The following SLC2A13 variants were observed in gnomAD, a reference collection of about 807,000 sequenced individuals.
SLC2A13 encodes proton myo-inositol cotransporter.
A neutral mutation model predicts 64.4 loss-of-function variants in SLC2A13; 32 were observed. The ratio of observed to expected loss-of-function variants is 0.50; its 90% CI spans 0.37 to 0.67. The LOEUF is 0.67. Ranked by LOEUF, SLC2A13 falls within the 30% of genes least tolerant of loss-of-function variation. The pLI, the probability that SLC2A13 is intolerant of heterozygous loss-of-function variation, is 0.00. For missense variants in SLC2A13, 743 were observed against 829.2 expected, an observed-to-expected ratio of 0.90 and a Z score of 1.28; for synonymous variants, 338 against 327.1, an observed-to-expected ratio of 1.03 and a Z score of -0.36.
intron 4 of SLC2A13, among the ~76,000 whole-genome samples, chr12:39,896,467 CATATATGT>C (rs1381723402): frequency 8.1e-6 from 1 of 124,068 alleles, no homozygotes; most frequent in Non-Finnish European, 1.7e-5. Flanking sequence ...TATATGTATA[CATATATGT>C]ATATGTGTAT....
intron 1 of SLC2A13, among the ~76,000 whole-genome samples, chr12:40,089,697 G>A (rs1376856601): frequency 6.6e-6 from 1 of 152,162 alleles, no homozygotes; most frequent in East Asian, 1.9e-4. Context: ...AGCTCTAAGA[G>A]TGGATTAACG....
intron 4 of SLC2A13, among the ~76,000 whole-genome samples, chr12:39,891,209 C>T (rs1944600703): frequency 6.6e-6 from 1 of 150,490 alleles, no homozygotes; most frequent in Admixed American, 6.7e-5. Context: ...GTCTCTCCAT[C>T]ATTATTTCCA....
chr12:39,838,053 G>A (rs1943068034), intron 6 of SLC2A13, among the ~76,000 whole-genome samples: 1 of 150,270 alleles, frequency 6.7e-6, no homozygotes, highest in Non-Finnish European at 1.5e-5. Flanking sequence ...TATATTTATT[G>A]TGGCATTATT....
intron 1 of SLC2A13, among the ~76,000 whole-genome samples, chr12:40,100,129 C>T (rs1453204500): frequency 2.0e-5 from 3 of 152,096 alleles, no homozygotes; most frequent in Non-Finnish European, 4.4e-5. Flanking sequence ...AAGTATTACT[C>T]AACAGGCCAT....
At chr12:39,876,919 G>C (rs562591064) in intron 4 of SLC2A13, among the ~76,000 whole-genome samples, 1 of 152,216 alleles carries the variant, frequency 6.6e-6, no homozygotes, top group African/African-American at 2.4e-5. Context: ...AGAAAGTATG[G>C]AGTAGTTTAT....
Position 39,951,307 on chromosome 12 carries a change from C to T in SLC2A13, c.984G>A (p.Val328=). ...GCTGGAACATTTGTAGGCCACAACC[C>T]ACAATTAAAGCTCGGCGAGTTGGGG... ...SYPPTRRALI[V]GCGLQMFQQL... The change falls in exon 4 of 10, where the codon GTG becomes GTA. Residue 328 remains valine (V), a synonymous_variant. Transcript: ENST00000280871. The T allele has an allele frequency of 6.2e-7, 1 of 1,612,224 alleles. No individual in the cohort carries two copies. The highest frequency in any genetic ancestry group is 8.5e-7 in the Non-Finnish European group (1 of 1,179,022).
chr12:39,766,459 G>C (rs551320969), intron 7 of SLC2A13, among the ~76,000 whole-genome samples: 4 of 152,162 alleles, frequency 2.6e-5, no homozygotes, highest in African/African-American at 7.2e-5. Context: ...TCATCTTTTT[G>C]GTGGAGGGTC....
chr12:39,994,983 A>G (rs930658260), intron 3 of SLC2A13, among the ~76,000 whole-genome samples: 5 of 152,220 alleles, frequency 3.3e-5, no homozygotes, highest in Non-Finnish European at 7.3e-5. Context: ...ACATTAATGG[A>G]TAAGTGTCTT....
intron 4 of SLC2A13, among the ~76,000 whole-genome samples, chr12:39,877,155 G>C (rs907786739): frequency 1.3e-5 from 2 of 152,196 alleles, no homozygotes; most frequent in Non-Finnish European, 2.9e-5. Flanking sequence ...AACTCTATTA[G>C]TCTGCTCTTA....
intron 1 of SLC2A13, among the ~76,000 whole-genome samples, chr12:40,102,998 G>A (rs916031933): frequency 6.6e-6 from 1 of 152,092 alleles, no homozygotes; most frequent in Non-Finnish European, 1.5e-5. Context: ...GGGCTTTTAC[G>A]AAACTGCCTC....
chr12:40,058,064 G>A (rs1442552985), intron 1 of SLC2A13, among the ~76,000 whole-genome samples: 1 of 150,212 alleles, frequency 6.7e-6, no homozygotes, highest in Non-Finnish European at 1.5e-5. Context: ...TAGATAGATA[G>A]ATAGATAGAT....
chr12:40,077,752 T>C (rs1000729127), intron 1 of SLC2A13, among the ~76,000 whole-genome samples: 4 of 152,184 alleles, frequency 2.6e-5, no homozygotes, highest in Admixed American at 6.5e-5. Flanking sequence ...CATATGGCCA[T>C]TTAAACAATA....
intron 1 of SLC2A13, among the ~76,000 whole-genome samples, chr12:40,095,320 A>T (rs1016923812): frequency 2.0e-5 from 3 of 152,202 alleles, no homozygotes; most frequent in Non-Finnish European, 2.9e-5. Flanking sequence ...TAAAATAATG[A>T]TCTAAAGGGA....
chr12:40,084,250 A>G (rs957405223), intron 1 of SLC2A13, among the ~76,000 whole-genome samples: 19 of 152,160 alleles, frequency 1.2e-4, no homozygotes, highest in African/African-American at 4.6e-4. Context: ...AATACTTCCA[A>G]CTTCTGCCAC....
rs530517689 is a variant in SLC2A13 at position 39,812,970 on chromosome 12, C to T, written c.1445+17133G>A. Among the ~76,000 whole-genome samples, 865 of 135,916 alleles carry T rather than the reference C, an allele frequency of 6.4e-3. 16 individuals are homozygous for T. Among genetic ancestry groups the T allele is most frequent in the African/African-American group, 0.022 (816 of 36,848 alleles). 89.2% of individuals were successfully genotyped at this position (135,916 alleles called of 152,430 possible). On this transcript the variant is annotated intron_variant, in intron 7 of 9. Transcript: ENST00000280871. ...TCAGCCTCCCAAGTAGCAGGGATTA[C>T]AGGCGCCTGACATCATGCCCAGCTA...
intron 3 of SLC2A13, among the ~76,000 whole-genome samples, chr12:40,020,003 TA>T (rs754697841): frequency 4.6e-5 from 7 of 152,162 alleles, no homozygotes; most frequent in Non-Finnish European, 1.0e-4. Flanking sequence ...AGGTATTCAG[TA>T]AGATACTGAT....
intron 7 of SLC2A13, among the ~76,000 whole-genome samples, chr12:39,803,221 A>AAC (rs1941858814): frequency 6.6e-6 from 1 of 151,834 alleles, no homozygotes; most frequent in South Asian, 2.1e-4. Context: ...AAAAAAAAAA[A>AAC]ACTTTCTAGA....
intron 7 of SLC2A13, 135 bp from the exon 8 acceptor site, chr12:39,764,993 A>C: frequency 1.0e-6 from 1 of 1,003,832 alleles, no homozygotes; most frequent in Non-Finnish European, 1.4e-6. Context: ...AAAAAATAAG[A>C]ACTAAATATA....
intron 4 of SLC2A13, among the ~76,000 whole-genome samples, chr12:39,920,478 T>C (rs182187385): frequency 6.6e-6 from 1 of 152,218 alleles, no homozygotes; most frequent in African/African-American, 2.4e-5. Flanking sequence ...CTTTTCACTC[T>C]CTATCCTGAT....
Sources: allele counts gnomAD v4.1 joint callset (sites outside exome capture counted in the v4.1 genomes callset), GRCh38; gene constraint gnomAD v4.1.1; transcripts MANE v1.5; gene names NCBI Gene and HGNC (gene_info 2026-07-23, HGNC 2026-07-21).